Variants in RAD51AP2 observed in about 807,000 individuals in gnomAD.
RAD51AP2 encodes RAD51 associated protein 2, also known as RAD51-associated protein 2.
RAD51AP2 carries 67 observed loss-of-function variants against 85.5 expected under a neutral mutation model. The ratio of observed to expected loss-of-function variants is 0.78; its 90% confidence interval spans 0.64 to 0.96. The LOEUF (loss-of-function observed/expected upper bound fraction) is 0.96, where lower values mean the gene tolerates loss of function less well. Among genes scored for constraint, RAD51AP2 ranks in the 40% least tolerant of loss-of-function variants. The pLI, the probability that RAD51AP2 is intolerant of heterozygous loss-of-function variation, is 0.00. For missense variants in RAD51AP2, 1,307 were observed against 1,332.4 expected, an observed-to-expected ratio of 0.98 and a Z score of 0.30; for synonymous variants, 474 against 446.5, an observed-to-expected ratio of 1.06 and a Z score of -0.78.
the RAD51AP2 span, among the ~76,000 whole-genome samples, chr2:17,525,893 T>G: frequency 4.1e-4 from 63 of 152,168 alleles, no homozygotes; most frequent in African/African-American, 1.4e-3. Context: ...AGGCAGCAGC[T>G]GGGCTTGGAA....
chr2:17,515,687 T>C lies in RAD51AP2; in HGVS notation c.2729A>G (p.Glu910Gly), dbSNP rs1466280393. 1 of 1,609,762 alleles carries C rather than the reference T, an allele frequency of 6.2e-7. No homozygotes were observed. Among genetic ancestry groups the C allele is most frequent in the South Asian group, 1.1e-5 (1 of 89,748 alleles). ...GTGAAAATCCTTTGAATTAGCTATC[T>C]CCCTTTCTGGCAAAATACTCTCATA... ...NEYESILPER[E>G]IANSKDFHRK... The change falls in exon 1 of 3, where the codon GAG becomes GGG. Residue 910 changes from glutamate (E) to glycine (G), a missense_variant. Coordinates refer to ENST00000399080, the MANE Select transcript of RAD51AP2 (RefSeq NM_001099218.3).
At position 17,517,169 on chromosome 2, in the gene RAD51AP2, C is replaced by G. The variant is rs1481065793; in HGVS notation, c.1247G>C (p.Cys416Ser). 6.2e-7 allele frequency: 1 copy of G among 1,609,476 alleles called. No homozygotes were observed. Among genetic ancestry groups the G allele is most frequent in the South Asian group, 1.1e-5 (1 of 89,818 alleles). Reference sequence around the variant, plus strand: ...TTTCATATTTTCACATTTAGTCTTGCAATTATTTATAATCCAACAATTTCC... The same window carrying G: ...TTTCATATTTTCACATTTAGTCTTGGAATTATTTATAATCCAACAATTTCC... ...NRGNCWIINN[C>S]KTKCENMKKT... The change falls in exon 1 of 3, where the codon TGC (cysteine) becomes TCC (serine). Residue 416 changes from cysteine (C) to serine (S), a missense_variant. Physicochemically the swap from Cys to Ser is moderately radical, Grantham distance 112. Coordinates refer to ENST00000399080, the MANE Select transcript of RAD51AP2 (RefSeq NM_001099218.3).
the RAD51AP2 span, among the ~76,000 whole-genome samples, chr2:17,533,728 A>C: frequency 6.6e-6 from 1 of 152,180 alleles, no homozygotes; most frequent in South Asian, 2.1e-4. Flanking sequence ...AACCTGGTCA[A>C]CCTGGCCAGA....
upstream of RAD51AP2, among the ~76,000 whole-genome samples, chr2:17,522,468 G>A (rs563251937): frequency 6.6e-6 from 1 of 151,614 alleles, no homozygotes; most frequent in South Asian, 2.1e-4. Context: ...AAATTTCTCC[G>A]CATTATTATG....
the RAD51AP2 span, among the ~76,000 whole-genome samples, chr2:17,533,803 T>C: frequency 4.6e-5 from 7 of 152,076 alleles, no homozygotes; most frequent in Non-Finnish European, 7.4e-5. Flanking sequence ...TAGTGCTAGC[T>C]ACTTGGGAGG....
In RAD51AP2 at chr2:17,515,720, G is replaced by T; in HGVS notation, c.2696C>A (p.Thr899Lys). 1 of 1,598,584 alleles carries T rather than the reference G, an allele frequency of 6.3e-7. No individual in the cohort carries two copies. The highest frequency in any genetic ancestry group is 2.2e-5 in the East Asian group (1 of 44,734). ...KYVNQNYVTN[T>K]NEYESILPER... ...TGGCAAAATACTCTCATATTCATTT[G>T]TATTTGTTACATAATTTTGATTAAC... The change falls in exon 1 of 3, where the codon ACA becomes AAA. Residue 899 changes from threonine (T) to lysine (K), a missense_variant. Around this residue, in one of 3 missense-constraint regions of RAD51AP2, gnomAD observed 668 missense variants for 671.0 expected, o/e 1.00. Coordinates refer to ENST00000399080, the MANE Select transcript of RAD51AP2 (RefSeq NM_001099218.3).
chr2:17,513,810 C>T (rs989294877), intron 2 of RAD51AP2, among the ~76,000 whole-genome samples: 2 of 151,984 alleles, frequency 1.3e-5, no homozygotes, highest in African/African-American at 4.8e-5. Context: ...GTGCATTTCC[C>T]AATAATATTC....
At chr2:17,537,090 C>T in the RAD51AP2 span, among the ~76,000 whole-genome samples, 2 of 152,150 alleles carry the variant, frequency 1.3e-5, no homozygotes, top group East Asian at 1.9e-4. Context: ...GAGGCCAAAG[C>T]AGGAGGATTG....
the RAD51AP2 span, among the ~76,000 whole-genome samples, chr2:17,531,950 T>C: frequency 6.6e-5 from 10 of 152,272 alleles, no homozygotes; most frequent in South Asian, 2.1e-3. Flanking sequence ...CTTAAGTAAT[T>C]TGCCCAAGAC....
rs951444162 is a variant in RAD51AP2 at position 17,511,753 on chromosome 2, G to A, written c.3329-798C>T. ...TTAGCAGTATGATTTTTACTAACCT[G>A]AACCAAAAAGAATCTGTATGTATCT... On this transcript the variant is annotated intron_variant, in intron 2 of 2. Coordinates refer to ENST00000399080, the MANE Select transcript of RAD51AP2 (RefSeq NM_001099218.3). Among the ~76,000 whole-genome samples the A allele has an allele frequency of 2.0e-5, 3 of 151,990 alleles. No individual in the cohort carries two copies. The South Asian group carries it at 6.2e-4, about 31-fold the overall frequency.
intron 1 of RAD51AP2, among the ~76,000 whole-genome samples, chr2:17,514,509 C>G (rs543099395): frequency 6.8e-6 from 1 of 148,034 alleles, no homozygotes; most frequent in South Asian, 2.2e-4. Flanking sequence ...CGCTTGTAAT[C>G]CTAGCATTTT....
Position 17,516,921 on chromosome 2 carries a change from CT to C in RAD51AP2, c.1494del (p.Val499SerfsTer4). ...TLQLRYNTTQ[K>X]VFHVNNPFES... ...TCAAAAGGGTTGTTCACATGAAAGA[CT>C]TTTTGTGTAGTATTGTATCTCAACT... On this transcript the variant is annotated frameshift_variant, in exon 1 of 3. Transcript: ENST00000399080. LOFTEE classifies it high-confidence loss of function. The C allele has an allele frequency of 6.3e-7, 1 of 1,595,748 alleles. No individual in the cohort carries two copies. The highest frequency in any genetic ancestry group is 8.5e-7 in the Non-Finnish European group (1 of 1,173,218).
In RAD51AP2 at chr2:17,518,296, C is replaced by T; in HGVS notation, c.120G>A (p.Glu40=). The T allele has an allele frequency of 1.2e-6, 2 of 1,614,182 alleles. No homozygotes were observed. The highest frequency in any genetic ancestry group is 1.7e-6 in the Non-Finnish European group (2 of 1,180,028). The change falls in exon 1 of 3, where the codon GAG becomes GAA. Residue 40 remains glutamate (E), a synonymous_variant. Coordinates refer to ENST00000399080, the MANE Select transcript of RAD51AP2 (RefSeq NM_001099218.3). Reference sequence around the variant, plus strand: ...AGCCCGCCTTAAAGACACCTCCAGGCTCCTCAAGACAGAGCCGCTTGCTAC... The same window carrying T: ...AGCCCGCCTTAAAGACACCTCCAGGTTCCTCAAGACAGAGCCGCTTGCTAC... ...PPSSKRLCLE[E]PGGVFKAGWR... is the part of the protein sequence containing the mutation.
At chr2:17,514,912 C>CT (rs960087317) in intron 1 of RAD51AP2, among the ~76,000 whole-genome samples, 77 of 143,118 alleles carry the variant, frequency 5.4e-4, no homozygotes, top group Middle Eastern at 3.6e-3. Context: ...ATGAAAACAC[C>CT]TTTTTTTTTT....
chr2:17,517,146 T>C lies in RAD51AP2; in HGVS notation c.1270A>G (p.Lys424Glu). The change falls in exon 1 of 3, where the codon AAA becomes GAA. Residue 424 changes from lysine (K) to glutamate (E), a missense_variant. Lys to Glu is a moderately conservative substitution (Grantham distance 56, BLOSUM62 1). Transcript: ENST00000399080. ...CAATTCCATTTTTCTTCAGTTTTTT[T>C]CATATTTTCACATTTAGTCTTGCAA... ...NNCKTKCENMKKTEEKWNWLL... is the reference protein window; with the variant it reads ...NNCKTKCENMEKTEEKWNWLL... 6.2e-7 allele frequency: 1 copy of C among 1,608,474 alleles called. No individual in the cohort carries two copies. The highest frequency in any genetic ancestry group is 8.5e-7 in the Non-Finnish European group (1 of 1,178,136).
chr2:17,522,311 C>T (rs571628149), upstream of RAD51AP2, among the ~76,000 whole-genome samples: 2 of 152,080 alleles, frequency 1.3e-5, no homozygotes, highest in South Asian at 2.1e-4. Flanking sequence ...TAAAGCCCTT[C>T]GCAGTTTCAG....
chr2:17,515,680 A>T lies in RAD51AP2; in HGVS notation c.2736T>A (p.Ala912=). 6.2e-7 allele frequency: 1 copy of T among 1,610,994 alleles called. No individual in the cohort carries two copies. The highest frequency in any genetic ancestry group is 1.7e-4 in the Middle Eastern group (1 of 6,044). ...YESILPEREI[A]NSKDFHRKND... is the part of the protein sequence containing the mutation. ...TCTTTCTGTGAAAATCCTTTGAATT[A>T]GCTATCTCCCTTTCTGGCAAAATAC... Residue 912 remains alanine (A), a synonymous_variant, in exon 1 of 3, where the codon GCT becomes GCA. Coordinates refer to ENST00000399080, the MANE Select transcript of RAD51AP2 (RefSeq NM_001099218.3).
At chr2:17,519,570 C>T (rs1662812150), upstream of RAD51AP2, among the ~76,000 whole-genome samples, 1 of 152,120 alleles carries the variant, frequency 6.6e-6, no homozygotes, top group Non-Finnish European at 1.5e-5. Context: ...AACTAGCCTT[C>T]TACTTTAGGT....
chr2:17,516,179 C>T lies in RAD51AP2; in HGVS notation c.2237G>A (p.Arg746Gln), dbSNP rs200773447. Reference sequence around the variant, plus strand: ...ATAAAAATTTTCATTAATGTATCCTCGGTTGTTCTGTATAAATTGAGGACA... The same window carrying T: ...ATAAAAATTTTCATTAATGTATCCTTGGTTGTTCTGTATAAATTGAGGACA... Reference protein sequence around the residue: ...NSCPQFIQNNRGYINENFYEV... With the variant: ...NSCPQFIQNNQGYINENFYEV... The change falls in exon 1 of 3, where the codon CGA (arginine) becomes CAA (glutamine). Residue 746 changes from arginine to glutamine, a missense_variant. Physicochemically the swap from Arg to Gln is conservative, Grantham distance 43. This residue lies in a region of RAD51AP2 where 668 missense variants were observed against 671.0 expected (regional missense o/e 1.00). Transcript: ENST00000399080. 1.1e-3 allele frequency: 1,701 copies of T among 1,613,302 alleles called. 19 individuals are homozygous for T. The South Asian group carries it at 0.012, about 11-fold the overall frequency.
Sources: allele counts gnomAD v4.1 joint callset (sites outside exome capture counted in the v4.1 genomes callset), GRCh38; gene constraint gnomAD v4.1.1; regional missense constraint gnomAD v4.1.1; transcripts MANE v1.5; gene names NCBI Gene and HGNC (gene_info 2026-07-23, HGNC 2026-07-21).